Variants in LHX8 observed in about 807,000 individuals in gnomAD.
LHX8 encodes LIM/homeobox protein Lhx8.
Under a neutral mutation model 40.3 loss-of-function variants are expected in LHX8, and 12 were observed. The observed-to-expected ratio is 0.30, with a 90% CI of 0.19 to 0.48. The LOEUF (loss-of-function observed/expected upper bound fraction) is 0.48, where lower values mean the gene tolerates loss of function less well. LHX8 is among the 20% of genes least tolerant of loss of function. LHX8 has a pLI of 0.99. For synonymous variants in LHX8, 179 were observed against 162.0 expected (o/e 1.10, Z -0.80); for missense variants, 344 against 433.7 (o/e 0.79, Z 1.84).
the LHX8 span, among the ~76,000 whole-genome samples, chr1:75,190,070 G>T: frequency 6.6e-6 from 1 of 152,130 alleles, no homozygotes; most frequent in African/African-American, 2.4e-5. Context: ...AACACAAAAT[G>T]TTCAATGCTC....
chr1:75,136,772 T>G, intron 2 of LHX8, 83 bp downstream of exon 2: 1 of 1,169,692 alleles, frequency 8.5e-7, no homozygotes, highest in Non-Finnish European at 1.2e-6. Flanking sequence ...CCCGCGCTCC[T>G]TCCAGGGCCC....
chr1:75,188,294 C>T, the LHX8 span, among the ~76,000 whole-genome samples: 3 of 152,064 alleles, frequency 2.0e-5, no homozygotes, highest in African/African-American at 7.2e-5. Flanking sequence ...GAGTGGGAGT[C>T]AAATGTCAAC....
At chr1:75,136,233 C>T (rs1648122182) in intron 1 of LHX8, among the ~76,000 whole-genome samples, 2 of 151,820 alleles carry the variant, frequency 1.3e-5, no homozygotes, top group Admixed American at 1.3e-4. Context: ...CCCTTTAGCC[C>T]GGTGTTCCCC....
At chr1:75,173,633 C>T in the LHX8 span, among the ~76,000 whole-genome samples, 2 of 152,022 alleles carry the variant, frequency 1.3e-5, no homozygotes, top group African/African-American at 4.8e-5. Flanking sequence ...CTGCCCGCCT[C>T]GGCCTCCCAA....
intron 7 of LHX8, among the ~76,000 whole-genome samples, chr1:75,155,514 G>A (rs1208427129): frequency 1.3e-5 from 2 of 152,066 alleles, no homozygotes; most frequent in Non-Finnish European, 2.9e-5. Context: ...GATTACAGGA[G>A]TGAGCCACTG....
chr1:75,197,376 C>T, the LHX8 span, among the ~76,000 whole-genome samples: 25 of 152,032 alleles, frequency 1.6e-4, no homozygotes, highest in Admixed American at 1.0e-3. Flanking sequence ...TTGTATAGTT[C>T]CAAAAATCTC....
the LHX8 span, among the ~76,000 whole-genome samples, chr1:75,175,768 A>G: frequency 6.6e-6 from 1 of 152,002 alleles, no homozygotes; most frequent in East Asian, 1.9e-4. Context: ...GGTTTGCTGC[A>G]CCCAATAACT....
At chr1:75,138,301 T>A (rs1648209774) in intron 3 of LHX8, among the ~76,000 whole-genome samples, 1 of 152,222 alleles carries the variant, frequency 6.6e-6, no homozygotes, top group Non-Finnish European at 1.5e-5. Context: ...TCAAAAGGAT[T>A]AATTATGGAG....
upstream of LHX8, chr1:75,130,324 C>G (rs1454140329): frequency 3.2e-6 from 1 of 312,752 alleles, no homozygotes; most frequent in Non-Finnish European, 6.2e-6. Flanking sequence ...CTCGTACAGA[C>G]TCTTGGTCGC....
chr1:75,182,669 C>T, the LHX8 span, among the ~76,000 whole-genome samples: 24 of 152,176 alleles, frequency 1.6e-4, no homozygotes, highest in African/African-American at 3.4e-4. Context: ...CACTGCGCTC[C>T]GCCTTACATG....
At position 75,156,960 on chromosome 1, in the gene LHX8, C is replaced by G; in HGVS notation, c.848C>G (p.Pro283Arg). 1.2e-6 allele frequency: 2 copies of G among 1,614,124 alleles called. No individual in the cohort carries two copies. Among genetic ancestry groups the G allele is most frequent in the Non-Finnish European group, 8.5e-7 (1 of 1,179,980 alleles). ...AGTCCTAATCACTCATCCTCCACCC[C>G]AGTCACAGCAGTCCCACCCTCCAGG... ...HVSPNHSSST[P>R]VTAVPPSRLS... Residue 283 changes from proline (P) to arginine (R), a missense_variant, in exon 8 of 9, where the codon CCA becomes CGA. Pro to Arg is a moderately radical substitution (Grantham distance 103, BLOSUM62 -2). Coordinates refer to ENST00000356261, the MANE Select transcript of LHX8 (RefSeq NM_001256114.2).
chr1:75,192,072 C>G, the LHX8 span, among the ~76,000 whole-genome samples: 2 of 152,170 alleles, frequency 1.3e-5, no homozygotes, highest in African/African-American at 4.8e-5. Flanking sequence ...GCCTTAATTT[C>G]TCCATCTATA....
the LHX8 span, among the ~76,000 whole-genome samples, chr1:75,195,477 T>C: frequency 6.6e-6 from 1 of 152,150 alleles, no homozygotes; most frequent in Non-Finnish European, 1.5e-5. Flanking sequence ...CTGACTTTTT[T>C]TCTATTCCCA....
At chr1:75,164,033 T>C (rs941613809), downstream of LHX8, among the ~76,000 whole-genome samples, 1 of 152,256 alleles carries the variant, frequency 6.6e-6, no homozygotes, top group South Asian at 2.1e-4. Flanking sequence ...CTGTTGTTCA[T>C]AAATTACCCT....
chr1:75,164,390 C>T (rs531984793), downstream of LHX8, among the ~76,000 whole-genome samples: 23 of 152,260 alleles, frequency 1.5e-4, no homozygotes, highest in Admixed American at 2.6e-4. Flanking sequence ...CTATGCTATA[C>T]TATTACCATT....
intron 8 of LHX8, among the ~76,000 whole-genome samples, chr1:75,157,874 A>G (rs1391931550): frequency 6.6e-6 from 1 of 152,136 alleles, no homozygotes; most frequent in Non-Finnish European, 1.5e-5. Context: ...TATGGACTTT[A>G]TTGTACATGC....
At chr1:75,176,974 A>C in the LHX8 span, among the ~76,000 whole-genome samples, 5 of 152,194 alleles carry the variant, frequency 3.3e-5, no homozygotes, top group Admixed American at 2.6e-4. Flanking sequence ...GTCAAAGATC[A>C]GATGGTTGTA....
chr1:75,189,520 G>A, the LHX8 span, among the ~76,000 whole-genome samples: 1 of 152,050 alleles, frequency 6.6e-6, no homozygotes, highest in Non-Finnish European at 1.5e-5. Flanking sequence ...TATGGATAGG[G>A]TGTCTAAAGA....
chr1:75,186,136 A>G, the LHX8 span, among the ~76,000 whole-genome samples: 1 of 152,224 alleles, frequency 6.6e-6, no homozygotes, highest in African/African-American at 2.4e-5. Context: ...TTATAGATCC[A>G]ATGCTACTCC....
Sources: allele counts gnomAD v4.1 joint callset (sites outside exome capture counted in the v4.1 genomes callset), GRCh38; gene constraint gnomAD v4.1.1; transcripts MANE v1.5; gene names NCBI Gene and HGNC (gene_info 2026-07-23, HGNC 2026-07-21).